The following PLXDC2 variants were observed in gnomAD, a reference collection of about 807,000 sequenced individuals.
PLXDC2 encodes plexin domain-containing protein 2.
A neutral mutation model predicts 68.9 loss-of-function variants in PLXDC2; 40 were observed. The ratio of observed to expected loss-of-function variants is 0.58; its 90% CI spans 0.45 to 0.76. The LOEUF is 0.76. Ranked by LOEUF, PLXDC2 falls within the 30% of genes least tolerant of loss-of-function variation. PLXDC2 has a pLI of 0.00. For missense variants in PLXDC2, 644 were observed against 661.9 expected, an observed-to-expected ratio of 0.97 and a Z score of 0.30; for synonymous variants, 243 against 234.2, an observed-to-expected ratio of 1.04 and a Z score of -0.34.
At chr10:19,980,007 T>C (rs970107415) in intron 1 of PLXDC2, among the ~76,000 whole-genome samples, 1 of 152,224 alleles carries the variant, frequency 6.6e-6, no homozygotes, top group Non-Finnish European at 1.5e-5. Flanking sequence ...TGGGTACCAT[T>C]TGAAGTAATA....
chr10:20,117,051 GAAA>G (rs5783719), intron 4 of PLXDC2, among the ~76,000 whole-genome samples: 3 of 148,266 alleles, frequency 2.0e-5, no homozygotes, highest in African/African-American at 7.4e-5. Flanking sequence ...CCTTAAAAAT[GAAA>G]AAAAAAAATA....
At chr10:20,076,226 G>A (rs911426865) in intron 4 of PLXDC2, among the ~76,000 whole-genome samples, 2 of 152,180 alleles carry the variant, frequency 1.3e-5, no homozygotes, top group Non-Finnish European at 2.9e-5. Context: ...GGCCATTTCA[G>A]AAATGAGTTC....
chr10:19,901,657 G>T (rs1397902756), intron 1 of PLXDC2, among the ~76,000 whole-genome samples: 1 of 151,996 alleles, frequency 6.6e-6, no homozygotes, highest in Non-Finnish European at 1.5e-5. Flanking sequence ...TATTTCTTTT[G>T]CTGTGCAGAA....
At chr10:19,933,262 A>G (rs1455483715) in intron 1 of PLXDC2, among the ~76,000 whole-genome samples, 1 of 152,210 alleles carries the variant, frequency 6.6e-6, no homozygotes, top group Non-Finnish European at 1.5e-5. Context: ...ATTTTGGCCT[A>G]GATCATTTAC....
At chr10:20,115,504 T>C (rs1385201344) in intron 4 of PLXDC2, among the ~76,000 whole-genome samples, 1 of 152,174 alleles carries the variant, frequency 6.6e-6, no homozygotes, top group Non-Finnish European at 1.5e-5. Context: ...ATATATACCC[T>C]TCACATGTTA....
intron 9 of PLXDC2, among the ~76,000 whole-genome samples, chr10:20,194,591 A>G (rs1834812630): frequency 1.3e-5 from 2 of 151,978 alleles, no homozygotes; most frequent in Non-Finnish European, 2.9e-5. Context: ...GAAAGATGTA[A>G]AAGTCAATTT....
chr10:19,901,736 C>T (rs899351976), intron 1 of PLXDC2, among the ~76,000 whole-genome samples: 17 of 152,008 alleles, frequency 1.1e-4, no homozygotes, highest in Non-Finnish European at 2.1e-4. Context: ...AGTTCTTGGT[C>T]GTGAAGTCTT....
chr10:19,871,908 A>G (rs992455549), intron 1 of PLXDC2, among the ~76,000 whole-genome samples: 1 of 151,550 alleles, frequency 6.6e-6, no homozygotes, highest in South Asian at 2.1e-4. Context: ...AACACAAAAA[A>G]CTTACATTGT....
At chr10:20,066,462 A>G (rs1836214120) in intron 3 of PLXDC2, among the ~76,000 whole-genome samples, 2 of 152,258 alleles carry the variant, frequency 1.3e-5, no homozygotes, top group African/African-American at 4.8e-5. Context: ...ATGGAAATAA[A>G]TTAGAATGAT....
chr10:20,252,885 A>G (rs1347683066), intron 13 of PLXDC2, among the ~76,000 whole-genome samples: 4 of 152,172 alleles, frequency 2.6e-5, no homozygotes, highest in African/African-American at 4.8e-5. Context: ...TGCTTGAGCA[A>G]TGTTACCTTT....
At chr10:19,853,861 C>T (rs1837166327) in intron 1 of PLXDC2, among the ~76,000 whole-genome samples, 1 of 152,150 alleles carries the variant, frequency 6.6e-6, no homozygotes, top group Admixed American at 6.5e-5. Flanking sequence ...TGGCTTCTCC[C>T]ATCTTTTGTG....
At chr10:19,880,494 C>A (rs1442107651) in intron 1 of PLXDC2, among the ~76,000 whole-genome samples, 1 of 152,116 alleles carries the variant, frequency 6.6e-6, no homozygotes, top group Non-Finnish European at 1.5e-5. Context: ...CTCTCTCTTT[C>A]TCTCTCTCTC....
chr10:20,247,050 T>G lies in PLXDC2; in HGVS notation c.1473+1545T>G, dbSNP rs529662946. Among the ~76,000 whole-genome samples, 556 of 152,248 alleles carry G rather than the reference T, an allele frequency of 3.7e-3. 4 individuals are homozygous for G. The highest frequency in any genetic ancestry group is 4.8e-3 in the Non-Finnish European group (325 of 68,012). ...ATCTTATGTGTCATTTCAATCTTTA[T>G]TCCCTTGGCTCCCTAATCTGGAGTT... is the stretch of plus-strand genomic sequence containing the variant. On this transcript the variant is annotated intron_variant, in intron 13 of 13. Transcript: ENST00000377252.
intron 2 of PLXDC2, among the ~76,000 whole-genome samples, chr10:20,036,983 C>T (rs187088920): frequency 9.9e-5 from 15 of 152,270 alleles, no homozygotes; most frequent in East Asian, 1.9e-4. Flanking sequence ...TAGTGAGGAC[C>T]GCTTAAATCA....
chr10:20,233,378 G>A (rs1438748717), intron 12 of PLXDC2, among the ~76,000 whole-genome samples: 1 of 89,036 alleles, frequency 1.1e-5, no homozygotes, highest in Admixed American at 9.8e-5. Context: ...TTTAAAAAAA[G>A]TAGGTGGGCA....
At chr10:20,108,367 C>T (rs1833518146) in intron 4 of PLXDC2, among the ~76,000 whole-genome samples, 1 of 152,192 alleles carries the variant, frequency 6.6e-6, no homozygotes, top group Admixed American at 6.5e-5. Flanking sequence ...AGGCATCCTA[C>T]AATTCTTAGG....
rs541068192 is a variant in PLXDC2, at chr10:20,259,721, C to A, written c.1473+14216C>A. On this transcript the variant is annotated intron_variant, in intron 13 of 13. Transcript: ENST00000377252. ...ATACAGCAGGCCCATGTGAGAAGAG[C>A]AGCAGAAAGTGAGAGGGGCAAGTGC... is the stretch of plus-strand genomic sequence containing the variant. Among the ~76,000 whole-genome samples the A allele has an allele frequency of 1.2e-4, 18 of 152,308 alleles. 1 individual carries two copies. The highest frequency in any genetic ancestry group is 2.0e-4 in the Admixed American group (3 of 15,292).
intron 9 of PLXDC2, among the ~76,000 whole-genome samples, chr10:20,205,170 G>A (rs1050779471): frequency 3.3e-5 from 5 of 152,054 alleles, no homozygotes; most frequent in African/African-American, 1.2e-4. Context: ...CCACAAGCTG[G>A]GAGAACATTG....
chr10:20,055,044 T>C (rs1439531201), intron 3 of PLXDC2, among the ~76,000 whole-genome samples: 2 of 152,170 alleles, frequency 1.3e-5, no homozygotes, highest in African/African-American at 4.8e-5. Flanking sequence ...GATTGATTCT[T>C]TAAATATGAA....
Sources: gnomAD v4.1 joint callset for allele counts (sites outside exome capture counted in the v4.1 genomes callset) on GRCh38, gnomAD v4.1.1 for gene constraint, MANE v1.5 for transcripts, NCBI Gene and HGNC (gene_info 2026-07-23, HGNC 2026-07-21) for gene names.